The following ALDH1L1 variants were observed in gnomAD, a reference collection of about 807,000 sequenced individuals.
The protein encoded by ALDH1L1 is aldehyde dehydrogenase 1 family member L1.
A neutral mutation model predicts 101.1 loss-of-function variants in ALDH1L1; 68 were observed. That is an observed-to-expected ratio of 0.67 (90% CI 0.55 to 0.82). The LOEUF (loss-of-function observed/expected upper bound fraction) is 0.82, where lower values mean the gene tolerates loss of function less well. ALDH1L1 is among the 40% of genes least tolerant of loss of function. The pLI is 0.00. For synonymous variants in ALDH1L1, 486 were observed against 470.8 expected, an observed-to-expected ratio of 1.03 and a Z score of -0.42; for missense variants, 1,087 against 1,172.7, an observed-to-expected ratio of 0.93 and a Z score of 1.07.
intron 14 of ALDH1L1, among the ~76,000 whole-genome samples, chr3:126,127,088 C>A (rs2080202078): frequency 6.6e-6 from 1 of 152,196 alleles, no homozygotes; most frequent in Non-Finnish European, 1.5e-5. Flanking sequence ...ATTTCCAGCT[C>A]CCAGAACCAG....
upstream of ALDH1L1, among the ~76,000 whole-genome samples, chr3:126,181,787 T>C (rs372920034): frequency 5.9e-5 from 9 of 152,234 alleles, no homozygotes; most frequent in East Asian, 1.2e-3. Flanking sequence ...AATAAATGTT[T>C]GTTGAATGGC....
At chr3:126,182,470 C>T (rs1218031579), upstream of ALDH1L1, among the ~76,000 whole-genome samples, 2 of 152,148 alleles carry the variant, frequency 1.3e-5, no homozygotes, top group Non-Finnish European at 2.9e-5. Context: ...GCAATTTTAT[C>T]ACTGCTTCTG....
chr3:126,142,518 T>C (rs1690311440), intron 9 of ALDH1L1, among the ~76,000 whole-genome samples: 1 of 151,188 alleles, frequency 6.6e-6, no homozygotes, highest in Admixed American at 6.6e-5. Flanking sequence ...GGATTAATTC[T>C]TGGAATGCAA....
Position 126,110,090 on chromosome 3 carries a change from A to C in ALDH1L1, c.2201T>G (p.Met734Arg). The C allele has an allele frequency of 6.2e-7, 1 of 1,614,140 alleles. No individual in the cohort carries two copies. The highest frequency in any genetic ancestry group is 8.5e-7 in the Non-Finnish European group (1 of 1,180,024). The change falls in exon 20 of 23, where the codon ATG (methionine) becomes AGG (arginine). Residue 734 changes from methionine to arginine, a missense_variant. Physicochemically the swap from Met to Arg is moderately conservative, Grantham distance 91. This residue lies in a region of ALDH1L1 where 442 missense variants were observed against 535.7 expected (regional missense o/e 0.83). Transcript: ENST00000393434. ...VRRVVEEVRK[M>R]KVGNPLDRDT... is the part of the protein sequence containing the mutation. The stretch of plus-strand genomic sequence containing the variant: ...CCTGTCCAGCGGGTTGCCCACCTTC[A>C]TCTTCCGCACCTCTTCTACCTGCAG...
intron 1 of ALDH1L1, among the ~76,000 whole-genome samples, chr3:126,194,091 G>T (rs1169844901): frequency 6.6e-6 from 1 of 152,126 alleles, no homozygotes; most frequent in Non-Finnish European, 1.5e-5. Flanking sequence ...CTGTGGAAAT[G>T]ACTTTAAATA....
At chr3:126,182,563 G>C (rs2108349767), upstream of ALDH1L1, among the ~76,000 whole-genome samples, 1 of 152,326 alleles carries the variant, frequency 6.6e-6, no homozygotes, top group Admixed American at 6.5e-5. Flanking sequence ...CTGAATGCAT[G>C]CCCTGTGTGT....
chr3:126,170,585 A>G (rs2081254175), intron 1 of ALDH1L1, among the ~76,000 whole-genome samples: 1 of 152,164 alleles, frequency 6.6e-6, no homozygotes, highest in African/African-American at 2.4e-5. Flanking sequence ...ACCCAAAAAC[A>G]TCTACAAATG....
chr3:126,159,462 C>A (rs370757887), intron 2 of ALDH1L1: 28 of 456,734 alleles, frequency 6.1e-5, no homozygotes, highest in Admixed American at 3.3e-4. Context: ...CCAAGGAACA[C>A]TTCTTTGTAT....
chr3:126,112,589 T>G (rs1290869241), intron 19 of ALDH1L1, among the ~76,000 whole-genome samples, 193 bp downstream of exon 19: 1 of 152,144 alleles, frequency 6.6e-6, no homozygotes, highest in Non-Finnish European at 1.5e-5. Context: ...TGCTATTTCT[T>G]GGTGAAATAA....
At chr3:126,183,574 G>A (rs9874508), upstream of ALDH1L1, among the ~76,000 whole-genome samples, 80,362 of 151,954 alleles carry the variant, frequency 0.53, 21,826 homozygotes, top group African/African-American at 0.67. Flanking sequence ...CTATTCAAGA[G>A]ACTTTCAGGA....
intron 8 of ALDH1L1, among the ~76,000 whole-genome samples, chr3:126,147,695 C>T (rs2080724013): frequency 1.3e-5 from 2 of 152,164 alleles, no homozygotes; most frequent in Admixed American, 1.3e-4. Flanking sequence ...AGGCCATTGT[C>T]AATCATGGGC....
intron 17 of ALDH1L1, chr3:126,114,879 G>T: frequency 1.7e-6 from 1 of 599,590 alleles, no homozygotes; most frequent in Non-Finnish European, 3.1e-6. Flanking sequence ...CTGCCCCCTG[G>T]ACTGCCCTTC....
intron 1 of ALDH1L1, among the ~76,000 whole-genome samples, chr3:126,162,022 TTTGTGG>T (rs1233302440): frequency 1.3e-5 from 2 of 152,222 alleles, no homozygotes; most frequent in African/African-American, 4.8e-5. Context: ...CAACATTATC[TTTGTGG>T]TTGCATGTAG....
chr3:126,128,175 G>A (rs895327845), intron 14 of ALDH1L1, among the ~76,000 whole-genome samples: 3 of 152,178 alleles, frequency 2.0e-5, no homozygotes, highest in Non-Finnish European at 2.9e-5. Context: ...CGAGGATTCC[G>A]AGTGGAGCAG....
At chr3:126,193,308 G>A (rs911186779) in intron 1 of ALDH1L1, among the ~76,000 whole-genome samples, 6 of 152,148 alleles carry the variant, frequency 3.9e-5, no homozygotes, top group African/African-American at 1.4e-4. Context: ...TCTAGTCTAG[G>A]ATCTGTGTCC....
chr3:126,111,886 T>C (rs991615036), intron 19 of ALDH1L1, among the ~76,000 whole-genome samples: 1 of 150,532 alleles, frequency 6.6e-6, no homozygotes, highest in African/African-American at 2.5e-5. Flanking sequence ...GCTCCCCCCC[T>C]GGTATCATGG....
intron 1 of ALDH1L1, among the ~76,000 whole-genome samples, chr3:126,169,193 T>A (rs2081225765): frequency 6.6e-6 from 1 of 152,220 alleles, no homozygotes; most frequent in African/African-American, 2.4e-5. Flanking sequence ...ATGCTGCTAA[T>A]CTTTATCTTA....
chr3:126,121,099 A>G (rs1318258193), intron 16 of ALDH1L1, among the ~76,000 whole-genome samples: 1 of 152,214 alleles, frequency 6.6e-6, no homozygotes, highest in Non-Finnish European at 1.5e-5. Flanking sequence ...AGATTTGGGC[A>G]CAGACACCAC....
chr3:126,138,142 A>G (rs1406749130), intron 9 of ALDH1L1, among the ~76,000 whole-genome samples, 182 bp from the exon 10 acceptor site: 1 of 152,184 alleles, frequency 6.6e-6, no homozygotes, highest in Non-Finnish European at 1.5e-5. Flanking sequence ...CCGGGTCCAA[A>G]TTCTCGCTCC....
Sources: gnomAD v4.1 joint callset for allele counts (sites outside exome capture counted in the v4.1 genomes callset) on GRCh38, gnomAD v4.1.1 for gene constraint, gnomAD v4.1.1 regional missense constraint, MANE v1.5 for transcripts, NCBI Gene and HGNC (gene_info 2026-07-23, HGNC 2026-07-21) for gene names.